KHDC4: variants seen among roughly 807,000 people sequenced by gnomAD.
KHDC4 encodes KH homology domain-containing protein 4.
In KHDC4, 19 loss-of-function variants were observed where a neutral mutation model predicts 74.5. The ratio of observed to expected loss-of-function variants is 0.26; its 90% confidence interval spans 0.18 to 0.37. KHDC4 has a LOEUF of 0.37. Among genes scored for constraint, KHDC4 ranks in the 10% least tolerant of loss-of-function variants. The probability of loss-of-function intolerance (pLI) is 1.00; values close to 1 mark genes in which losing one functional copy is unlikely to be tolerated. For missense variants in KHDC4, 632 were observed against 754.1 expected (o/e 0.84, Z 1.90); for synonymous variants, 253 against 266.1 (o/e 0.95, Z 0.48).
intron 10 of KHDC4, among the ~76,000 whole-genome samples, 186 bp from the exon 11 acceptor site, chr1:155,917,858 G>A (rs1427732523): frequency 6.6e-6 from 1 of 152,058 alleles, no homozygotes; most frequent in Non-Finnish European, 1.5e-5. Flanking sequence ...TCATCCTAGG[G>A]AAACATGAAA....
At chr1:155,928,145 G>A (rs1674060044) in intron 4 of KHDC4, among the ~76,000 whole-genome samples, 1 of 152,136 alleles carries the variant, frequency 6.6e-6, no homozygotes, top group Non-Finnish European at 1.5e-5. Context: ...GGCCGAGGCA[G>A]GGGAACCACC....
At chr1:155,934,311 G>A (rs1413794387) in intron 1 of KHDC4, 25 bp downstream of exon 1, 8 of 1,605,866 alleles carry the variant, frequency 5.0e-6, no homozygotes, top group South Asian at 1.1e-5. Flanking sequence ...TGCTCGCTCC[G>A]ATGCCCTCGC....
At chr1:155,927,731 AGGT>A in intron 4 of KHDC4, among the ~76,000 whole-genome samples, 1 of 135,868 alleles carries the variant, frequency 7.4e-6, no homozygotes, top group East Asian at 2.5e-4. Flanking sequence ...TGAACCCAGG[AGGT>A]GGAGGTTGCA....
At chr1:155,924,621 T>C (rs1463279619) in intron 7 of KHDC4, among the ~76,000 whole-genome samples, 6 of 150,704 alleles carry the variant, frequency 4.0e-5, no homozygotes, top group Non-Finnish European at 8.9e-5. Flanking sequence ...TTGCCCAGGC[T>C]GGAGTGCAAT....
chr1:155,925,539 A>G (rs1465839471), intron 7 of KHDC4, 93 bp downstream of exon 7: 2 of 895,804 alleles, frequency 2.2e-6, no homozygotes, highest in Admixed American at 1.9e-5. Context: ...ACTATTAATT[A>G]CACCCAGTTT....
intron 13 of KHDC4, 38 bp from the exon 14 acceptor site, chr1:155,914,358 C>T: frequency 1.4e-6 from 2 of 1,449,254 alleles, no homozygotes; most frequent in Non-Finnish European, 1.9e-6. Context: ...CCCATCCCCG[C>T]CAAGGGAAAA....
chr1:155,934,236 C>G (rs1674204379), intron 1 of KHDC4, 100 bp downstream of exon 1: 1 of 1,264,022 alleles, frequency 7.9e-7, no homozygotes, highest in Non-Finnish European at 1.1e-6. Flanking sequence ...CTTTACTTCC[C>G]ACTTAAGGAC....
chr1:155,926,894 C>A (rs1572011805), intron 5 of KHDC4, 55 bp from the exon 6 acceptor site: 1 of 1,586,680 alleles, frequency 6.3e-7, no homozygotes, highest in East Asian at 2.2e-5. Flanking sequence ...AGTGCCCAGG[C>A]AGGCCAGTGT....
At chr1:155,934,216 A>C in intron 1 of KHDC4, 120 bp downstream of exon 1, 1 of 1,085,156 alleles carries the variant, frequency 9.2e-7, no homozygotes. Flanking sequence ...TTCTCCCCAA[A>C]CGTCCAGCCC....
Position 155,934,326 on chromosome 1 carries a change from G to T in KHDC4, c.38+10C>A. 1 of 1,608,418 alleles carries T rather than the reference G, an allele frequency of 6.2e-7. No homozygotes were observed. On this transcript the variant is annotated intron_variant, in intron 1 of 13. Transcript: ENST00000368321. ...TGCTCGCTCCGATGCCCTCGCCCCT[G>T]AAGCCGTACCCGCCAGCTCCAGGAT...
At position 155,922,004 on chromosome 1, in the gene KHDC4, G is replaced by A. The variant is rs1673874849; in HGVS notation, c.955-86C>T. ...CTGATTACATAATTCTAGGACCAAA[G>A]CCATTAGGAATTAAAATATATCTAC... On this transcript the variant is annotated intron_variant, in intron 8 of 13. Coordinates refer to ENST00000368321, the MANE Select transcript of KHDC4 (RefSeq NM_014949.4). 5 of 770,404 alleles carry A rather than the reference G, an allele frequency of 6.5e-6. No homozygotes were observed. The South Asian group carries it at 6.7e-5, about 10-fold the overall frequency. 47.7% of individuals were successfully genotyped at this position (770,404 alleles called of 1,614,324 possible).
chr1:155,921,879 T>A lies in KHDC4; in HGVS notation c.994A>T (p.Thr332Ser). 6.2e-7 allele frequency: 1 copy of A among 1,608,262 alleles called. No homozygotes were observed. Among genetic ancestry groups the A allele is most frequent in the Non-Finnish European group, 8.5e-7 (1 of 1,176,072 alleles). Residue 332 changes from threonine (T) to serine (S), a missense_variant, in exon 9 of 14, where the codon ACT becomes TCT. Physicochemically the swap from Thr to Ser is moderately conservative, Grantham distance 58. Coordinates refer to ENST00000368321, the MANE Select transcript of KHDC4 (RefSeq NM_014949.4). The part of the protein sequence containing the change: ...EYSRFVNQIN[T>S]AVPLPGYTQP... Reference sequence around the variant, plus strand: ...TACACACCTGGTAAAGGTACAGCAGTATTAATCTGATTCACAAATCTAGAG... The same window carrying A: ...TACACACCTGGTAAAGGTACAGCAGAATTAATCTGATTCACAAATCTAGAG...
At chr1:155,929,231 A>G in intron 4 of KHDC4, 65 bp downstream of exon 4, 1 of 1,165,668 alleles carries the variant, frequency 8.6e-7, no homozygotes, top group Non-Finnish European at 1.3e-6. Flanking sequence ...CTAAGGATAA[A>G]AAACATGAGG....
At chr1:155,921,331 T>C in intron 10 of KHDC4, 44 bp downstream of exon 10, 1 of 1,597,904 alleles carries the variant, frequency 6.3e-7, no homozygotes, top group South Asian at 1.1e-5. Context: ...TCCCCAGTTT[T>C]TCCTAAATTC....
intron 7 of KHDC4, 65 bp from the exon 8 acceptor site, chr1:155,923,752 T>A: frequency 8.1e-7 from 1 of 1,231,710 alleles, no homozygotes; most frequent in South Asian, 1.2e-5. Context: ...AATTCTGCTT[T>A]CATTTTCCAT....
chr1:155,923,188 GAAA>G (rs558697123), intron 8 of KHDC4, among the ~76,000 whole-genome samples: 2 of 120,816 alleles, frequency 1.7e-5, no homozygotes, highest in South Asian at 2.7e-4. Flanking sequence ...CTGGGCGACA[GAAA>G]AAAAAAAAAA....
intron 11 of KHDC4, 195 bp from the exon 12 acceptor site, chr1:155,916,932 AG>A: frequency 2.1e-6 from 1 of 470,408 alleles, no homozygotes; most frequent in Non-Finnish European, 3.8e-6. Flanking sequence ...GGACTTGGAC[AG>A]GGGTGTTATA....
chr1:155,920,083 A>G (rs1237348156), intron 10 of KHDC4: 2 of 431,738 alleles, frequency 4.6e-6, no homozygotes, highest in East Asian at 7.1e-5. Context: ...AGACCAGTAT[A>G]TATAATCCAT....
intron 12 of KHDC4, 111 bp downstream of exon 12, chr1:155,916,512 CAA>C (rs1297072337): frequency 1.2e-5 from 9 of 734,850 alleles, no homozygotes; most frequent in Non-Finnish European, 2.0e-5. Context: ...ATATTTGATT[CAA>C]AGATTTCATT....
Sources: gnomAD v4.1 joint callset for allele counts (sites outside exome capture counted in the v4.1 genomes callset) on GRCh38, gnomAD v4.1.1 for gene constraint, MANE v1.5 for transcripts, NCBI Gene and HGNC (gene_info 2026-07-23, HGNC 2026-07-21) for gene names.